The following SIL1 variants were observed in gnomAD, a reference collection of about 807,000 sequenced individuals.
The protein encoded by SIL1 is nucleotide exchange factor SIL1.
A neutral mutation model predicts 49.1 loss-of-function variants in SIL1; 40 were observed. The observed-to-expected ratio is 0.81, with a 90% CI of 0.63 to 1.06. SIL1 has a LOEUF of 1.06. Ranked by LOEUF, SIL1 falls within the 50% of genes least tolerant of loss-of-function variation. The pLI, the probability that SIL1 is intolerant of heterozygous loss-of-function variation, is 0.00. For missense variants in SIL1, 500 were observed against 572.6 expected, an observed-to-expected ratio of 0.87 and a Z score of 1.29; for synonymous variants, 253 against 250.8, an observed-to-expected ratio of 1.01 and a Z score of -0.08.
chr5:139,001,081 T>TGG (rs149659306), intron 7 of SIL1, among the ~76,000 whole-genome samples: 3 of 151,320 alleles, frequency 2.0e-5, no homozygotes, highest in Admixed American at 6.6e-5. Context: ...TCTGTGTGTG[T>TGG]GGGGGGGGAA....
chr5:138,989,874 T>C (rs534856556), intron 7 of SIL1, among the ~76,000 whole-genome samples: 1 of 152,110 alleles, frequency 6.6e-6, no homozygotes, highest in Non-Finnish European at 1.5e-5. Context: ...AAACTCAGAG[T>C]TTCTGACTCA....
chr5:139,101,121 T>G (rs891262937), intron 3 of SIL1, among the ~76,000 whole-genome samples: 2 of 152,158 alleles, frequency 1.3e-5, no homozygotes, highest in African/African-American at 2.4e-5. Flanking sequence ...TTTTTTCTCA[T>G]CCACTGTGTA....
chr5:139,152,306 T>G (rs1158374064), intron 1 of SIL1, among the ~76,000 whole-genome samples: 1 of 152,160 alleles, frequency 6.6e-6, no homozygotes, highest in Non-Finnish European at 1.5e-5. Flanking sequence ...GTATACATCT[T>G]GATTAAATGT....
At chr5:138,960,090 G>A (rs750353615) in intron 7 of SIL1, among the ~76,000 whole-genome samples, 1 of 152,154 alleles carries the variant, frequency 6.6e-6, no homozygotes, top group South Asian at 2.1e-4. Context: ...TTTAAACAAG[G>A]AATCTGAATT....
chr5:139,017,269 T>G (rs1414805313), intron 7 of SIL1: 3 of 152,166 alleles, frequency 2.0e-5, no homozygotes, highest in Non-Finnish European at 4.4e-5. Flanking sequence ...ATACGTTCAT[T>G]TTATAAAGGG....
chr5:139,010,403 T>C (rs909454116), intron 7 of SIL1, among the ~76,000 whole-genome samples: 2 of 150,876 alleles, frequency 1.3e-5, no homozygotes, highest in Admixed American at 1.3e-4. Context: ...TTGCCTTTGG[T>C]TTGAATGTCC....
intron 7 of SIL1, among the ~76,000 whole-genome samples, chr5:138,982,801 G>A (rs1051292356): frequency 2.6e-5 from 4 of 152,188 alleles, no homozygotes; most frequent in Non-Finnish European, 5.9e-5. Context: ...CATGGGTGGA[G>A]GGTGGCATCA....
chr5:138,981,367 C>T (rs1332435809), intron 7 of SIL1, among the ~76,000 whole-genome samples: 3 of 152,138 alleles, frequency 2.0e-5, no homozygotes, highest in Non-Finnish European at 4.4e-5. Context: ...CAAAAGATCC[C>T]TTGGCAAGAG....
intron 7 of SIL1, among the ~76,000 whole-genome samples, chr5:138,980,324 G>A (rs1399087919): frequency 6.6e-6 from 1 of 152,200 alleles, no homozygotes; most frequent in Non-Finnish European, 1.5e-5. Context: ...TGACTGCCGA[G>A]AGGAGGCATT....
intron 3 of SIL1, among the ~76,000 whole-genome samples, chr5:139,071,734 C>A (rs1287104661): frequency 6.8e-6 from 1 of 146,104 alleles, no homozygotes; most frequent in East Asian, 2.0e-4. Context: ...GTGGTGCGAT[C>A]TCAGCTCACT....
At chr5:139,163,422 T>C (rs1751556843) in intron 1 of SIL1, among the ~76,000 whole-genome samples, 1 of 151,708 alleles carries the variant, frequency 6.6e-6, no homozygotes, top group Non-Finnish European at 1.5e-5. Context: ...CAGGCTGGAG[T>C]CAAGTGGCAC....
At chr5:139,036,179 T>C (rs188633333) in intron 5 of SIL1, among the ~76,000 whole-genome samples, 305 of 152,362 alleles carry the variant, frequency 2.0e-3, no homozygotes, top group African/African-American at 7.0e-3. Context: ...TTGTTAATTT[T>C]TGCTTTTGTT....
chr5:139,087,392 T>A (rs113022735), intron 3 of SIL1, among the ~76,000 whole-genome samples: 1 of 151,902 alleles, frequency 6.6e-6, no homozygotes, highest in East Asian at 1.9e-4. Context: ...ACAAGGACAT[T>A]GAAAGACTCT....
intron 3 of SIL1, among the ~76,000 whole-genome samples, chr5:139,086,989 TTC>T (rs1001433354): frequency 6.6e-6 from 1 of 151,574 alleles, no homozygotes; most frequent in Non-Finnish European, 1.5e-5. Flanking sequence ...TTAATTATAT[TTC>T]TTTTTTTAAA....
chr5:139,009,126 C>T (rs894927676), intron 7 of SIL1, among the ~76,000 whole-genome samples: 3 of 151,460 alleles, frequency 2.0e-5, no homozygotes, highest in African/African-American at 4.9e-5. Context: ...TCAGGACTTG[C>T]GTTATGAATC....
chr5:138,989,222 A>G (rs1039677860), intron 7 of SIL1, among the ~76,000 whole-genome samples: 1 of 152,220 alleles, frequency 6.6e-6, no homozygotes, highest in Non-Finnish European at 1.5e-5. Context: ...ACTACAGAGA[A>G]GTCAGACCAT....
chr5:139,041,301 C>G (rs935590235), intron 5 of SIL1, among the ~76,000 whole-genome samples: 16 of 152,206 alleles, frequency 1.1e-4, no homozygotes, highest in Admixed American at 8.5e-4. Flanking sequence ...TGAGTAAAGA[C>G]GTGGAGACTG....
intron 1 of SIL1, among the ~76,000 whole-genome samples, chr5:139,163,526 C>G (rs779086563): frequency 2.0e-5 from 3 of 151,888 alleles, no homozygotes; most frequent in South Asian, 4.2e-4. Flanking sequence ...CCCACCACCA[C>G]GCCTGGCTAT....
At chr5:139,135,959 C>T (rs975917651) in intron 1 of SIL1, among the ~76,000 whole-genome samples, 4 of 151,986 alleles carry the variant, frequency 2.6e-5, no homozygotes, top group African/African-American at 7.3e-5. Context: ...CCCAGCTACT[C>T]GGGAGGCTGA....
Sources: allele counts gnomAD v4.1 joint callset (sites outside exome capture counted in the v4.1 genomes callset), GRCh38; gene constraint gnomAD v4.1.1; transcripts MANE v1.5; gene names NCBI Gene and HGNC (gene_info 2026-07-23, HGNC 2026-07-21).